NTNG1: variants seen among roughly 807,000 people sequenced by gnomAD.
NTNG1 encodes the protein netrin G1.
Under a neutral mutation model 54.0 loss-of-function variants are expected in NTNG1, and 16 were observed. The observed-to-expected ratio is 0.30, with a 90% CI of 0.20 to 0.45. The LOEUF (loss-of-function observed/expected upper bound fraction) is 0.45. Ranked by LOEUF, NTNG1 falls within the 20% of genes least tolerant of loss-of-function variation. The pLI, the probability that NTNG1 is intolerant of heterozygous loss-of-function variation, is 1.00. For synonymous variants in NTNG1, 255 were observed against 263.1 expected (o/e 0.97, Z 0.30); for missense variants, 530 against 678.7 (o/e 0.78, Z 2.43).
chr1:107,423,680 A>G (rs531206360), intron 5 of NTNG1, among the ~76,000 whole-genome samples: 3 of 152,282 alleles, frequency 2.0e-5, no homozygotes, highest in African/African-American at 7.2e-5. Context: ...TAAAAACTAT[A>G]TAAAACCACA....
At chr1:107,451,716 C>A (rs528638461) in intron 7 of NTNG1, among the ~76,000 whole-genome samples, 2 of 152,096 alleles carry the variant, frequency 1.3e-5, no homozygotes, top group Admixed American at 6.6e-5. Flanking sequence ...GAAGAGAGAC[C>A]TTGGTTTGAG....
intron 1 of NTNG1, among the ~76,000 whole-genome samples, chr1:107,145,019 C>T (rs933121382): frequency 2.6e-5 from 4 of 152,020 alleles, no homozygotes; most frequent in African/African-American, 9.7e-5. Flanking sequence ...CACGTCACTT[C>T]ACAATTAGTT....
At chr1:107,313,742 T>C (rs1667165224) in intron 2 of NTNG1, among the ~76,000 whole-genome samples, 1 of 152,198 alleles carries the variant, frequency 6.6e-6, no homozygotes, top group Admixed American at 6.5e-5. Context: ...GTTGCAGTCC[T>C]AAATTAATCC....
At chr1:107,264,490 A>G (rs537831116) in intron 2 of NTNG1, among the ~76,000 whole-genome samples, 2 of 152,308 alleles carry the variant, frequency 1.3e-5, no homozygotes, top group South Asian at 4.1e-4. Flanking sequence ...ATCCTTCCCT[A>G]TGAAGTTAAA....
chr1:107,256,538 C>T (rs1015090252), intron 2 of NTNG1, among the ~76,000 whole-genome samples: 6 of 152,150 alleles, frequency 3.9e-5, no homozygotes, highest in East Asian at 1.9e-4. Flanking sequence ...TCGAAGTTAG[C>T]GTAACAGAGC....
chr1:107,338,994 A>G (rs541339081), intron 3 of NTNG1, among the ~76,000 whole-genome samples: 17 of 152,196 alleles, frequency 1.1e-4, no homozygotes, highest in African/African-American at 4.1e-4. Flanking sequence ...GAAATTGTAA[A>G]GCTTCAATAG....
chr1:107,432,813 A>G (rs1228013388), intron 6 of NTNG1, among the ~76,000 whole-genome samples: 21 of 152,180 alleles, frequency 1.4e-4, no homozygotes, highest in Admixed American at 1.4e-3. Context: ...TTCTCTTATC[A>G]GGTAACTTAA....
intron 2 of NTNG1, among the ~76,000 whole-genome samples, chr1:107,274,787 G>A (rs374218637): frequency 5.5e-4 from 84 of 152,250 alleles, no homozygotes; most frequent in African/African-American, 1.9e-3. Context: ...GATTCTATGC[G>A]GGCATTGGAA....
intron 2 of NTNG1, among the ~76,000 whole-genome samples, chr1:107,213,895 C>T (rs1659765694): frequency 6.6e-6 from 1 of 151,864 alleles, no homozygotes; most frequent in African/African-American, 2.4e-5. Context: ...TATATTTGTG[C>T]CTTTTGCCGT....
At chr1:107,326,714 C>T (rs1667974500) in intron 3 of NTNG1, among the ~76,000 whole-genome samples, 1 of 152,058 alleles carries the variant, frequency 6.6e-6, no homozygotes, top group African/African-American at 2.4e-5. Flanking sequence ...AGCCCAAATT[C>T]CTATTGCTCC....
chr1:107,220,137 G>A (rs1660244687), intron 2 of NTNG1, among the ~76,000 whole-genome samples: 1 of 152,132 alleles, frequency 6.6e-6, no homozygotes, highest in Non-Finnish European at 1.5e-5. Context: ...GTGTCACACA[G>A]GTTGCCAGGG....
intron 2 of NTNG1, among the ~76,000 whole-genome samples, chr1:107,252,680 G>C (rs116175512): frequency 0.011 from 1,737 of 152,198 alleles, 31 homozygotes; most frequent in African/African-American, 0.039. Context: ...TTGCATCTGG[G>C]CTCCCTACAA....
rs1452744198 is a variant in NTNG1 at position 107,165,900 on chromosome 1, C to T, written c.246+17061C>T. Reference sequence around the variant, plus strand: ...GTTTCTCTCCACTGTGAAGTCCCTACGTTGTGTTCCCTAAGTGTTCTCTAA... The same window carrying T: ...GTTTCTCTCCACTGTGAAGTCCCTATGTTGTGTTCCCTAAGTGTTCTCTAA... On this transcript the variant is annotated intron_variant, in intron 2 of 7. Transcript: ENST00000370068. Among the ~76,000 whole-genome samples the T allele has an allele frequency of 3.9e-5, 6 of 152,258 alleles. No homozygotes were observed. In the South Asian group the frequency reaches 1.0e-3, roughly 26 times the overall value.
intron 7 of NTNG1, among the ~76,000 whole-genome samples, chr1:107,442,883 A>G (rs1295180357): frequency 6.6e-6 from 1 of 152,130 alleles, no homozygotes; most frequent in Non-Finnish European, 1.5e-5. Context: ...GTTCAGGAAG[A>G]TAGAACAGGG....
intron 2 of NTNG1, among the ~76,000 whole-genome samples, chr1:107,313,417 G>T (rs891138188): frequency 1.3e-5 from 2 of 152,020 alleles, no homozygotes; most frequent in African/African-American, 4.8e-5. Flanking sequence ...TTCTTGTGGA[G>T]CAGTTAGATG....
chr1:107,141,683 A>C (rs1190552793), intron 1 of NTNG1, among the ~76,000 whole-genome samples: 1 of 151,778 alleles, frequency 6.6e-6, no homozygotes, highest in Non-Finnish European at 1.5e-5. Context: ...CCCACACACA[A>C]GTCTTCCCGG....
At chr1:107,414,568 G>A (rs2101191808) in intron 5 of NTNG1, among the ~76,000 whole-genome samples, 1 of 152,212 alleles carries the variant, frequency 6.6e-6, no homozygotes, top group South Asian at 2.1e-4. Context: ...TATCTTAAGA[G>A]ATCTTTTTAA....
At chr1:107,381,094 G>C (rs1418286751) in intron 3 of NTNG1, among the ~76,000 whole-genome samples, 1 of 152,044 alleles carries the variant, frequency 6.6e-6, no homozygotes, top group Non-Finnish European at 1.5e-5. Flanking sequence ...GATTGATTAT[G>C]ACATCAGATA....
chr1:107,157,361 G>T (rs1442910144), intron 2 of NTNG1, among the ~76,000 whole-genome samples: 1 of 152,086 alleles, frequency 6.6e-6, no homozygotes, highest in South Asian at 2.1e-4. Context: ...ACACTCTAAG[G>T]TTCTTGATTG....
Sources: allele counts gnomAD v4.1 joint callset (sites outside exome capture counted in the v4.1 genomes callset), GRCh38; gene constraint gnomAD v4.1.1; transcripts MANE v1.5; gene names NCBI Gene and HGNC (gene_info 2026-07-23, HGNC 2026-07-21).